The following NEURL1B variants were observed in gnomAD, a reference collection of about 807,000 sequenced individuals.
NEURL1B encodes the protein neuralized E3 ubiquitin protein ligase 1B.
NEURL1B carries 13 observed loss-of-function variants against 37.4 expected under a neutral mutation model. The ratio of observed to expected loss-of-function variants is 0.35; its 90% CI spans 0.23 to 0.55. NEURL1B has a LOEUF of 0.55. Ranked by LOEUF, NEURL1B falls within the 20% of genes least tolerant of loss-of-function variation. The pLI is 0.89. For synonymous variants in NEURL1B, 432 were observed against 426.6 expected, an observed-to-expected ratio of 1.01 and a Z score of -0.16; for missense variants, 790 against 879.2, an observed-to-expected ratio of 0.90 and a Z score of 1.28.
At chr5:172,666,279 T>C (rs919070213) in intron 1 of NEURL1B, among the ~76,000 whole-genome samples, 1 of 152,170 alleles carries the variant, frequency 6.6e-6, no homozygotes, top group African/African-American at 2.4e-5. Flanking sequence ...ACCAGCTGTG[T>C]GACTTTGGGC....
rs558472766 is a variant in NEURL1B, at chr5:172,657,657, C to T, written c.32-12128C>T. Among the ~76,000 whole-genome samples, 16 of 152,114 alleles carry T rather than the reference C, an allele frequency of 1.1e-4. 1 individual carries two copies. The highest frequency in any genetic ancestry group is 1.8e-4 in the Non-Finnish European group (12 of 68,012). On this transcript the variant is annotated intron_variant, in intron 1 of 4. Coordinates refer to ENST00000369800, the MANE Select transcript of NEURL1B (RefSeq NM_001142651.3). The surrounding 1 kb of genome is among the most constrained non-coding windows in gnomAD (Gnocchi z 4.0). ...GGGCTCCTTGGTCAAGTGGTAACGC[C>T]GGTGTCTGGGAAGGCACCTGTTACT... is the stretch of plus-strand genomic sequence containing the variant.
At chr5:172,669,732 G>T (rs1038057314) in intron 1 of NEURL1B, 53 bp from the exon 2 acceptor site, 12 of 1,177,580 alleles carry the variant, frequency 1.0e-5, no homozygotes, top group Non-Finnish European at 1.3e-5. Context: ...GACCAATCGG[G>T]GCCCGCAGGA....
chr5:172,674,019 A>T (rs1758181524), intron 2 of NEURL1B, among the ~76,000 whole-genome samples: 1 of 151,972 alleles, frequency 6.6e-6, no homozygotes, highest in African/African-American at 2.4e-5. Flanking sequence ...AGGCACCTGT[A>T]ATCCCAGCTA....
chr5:172,652,967 C>G (rs1348696027), intron 1 of NEURL1B, among the ~76,000 whole-genome samples: 1 of 152,062 alleles, frequency 6.6e-6, no homozygotes, highest in Non-Finnish European at 1.5e-5. Flanking sequence ...ATGAGTCCAT[C>G]CCTTTTTCAC....
intron 1 of NEURL1B, among the ~76,000 whole-genome samples, chr5:172,666,981 C>T (rs920958307): frequency 2.0e-5 from 3 of 152,104 alleles, no homozygotes; most frequent in African/African-American, 7.2e-5. Context: ...CAAGCTCTAA[C>T]TGTAACACAG....
intron 1 of NEURL1B, among the ~76,000 whole-genome samples, chr5:172,645,332 G>A (rs1757540979): frequency 6.6e-6 from 1 of 152,164 alleles, no homozygotes; most frequent in African/African-American, 2.4e-5. Context: ...GCTTACCCCA[G>A]ACAGTCTGAC....
chr5:172,669,934 C>A lies in NEURL1B; in HGVS notation c.181C>A (p.Arg61=). 2 of 1,454,866 alleles carry A rather than the reference C, an allele frequency of 1.4e-6. No individual in the cohort carries two copies. The highest frequency in any genetic ancestry group is 1.4e-5 in the South Asian group (1 of 72,456). The allele number at this position is 1,454,866 out of a possible 1,614,324, so 90.1% of individuals were successfully genotyped here. Reference sequence around the variant, plus strand: ...GGACGGCCACTCGCGCCGGGCCACACGGCGCAACAGCTTCTGCAATGGCGT... The same window carrying A: ...GGACGGCCACTCGCGCCGGGCCACAAGGCGCAACAGCTTCTGCAATGGCGT... ...RLDGHSRRAT[R]RNSFCNGVTF... The change falls in exon 2 of 5, where the codon CGG becomes AGG. Residue 61 remains arginine, a synonymous_variant. Transcript: ENST00000369800.
chr5:172,671,911 G>GA, intron 2 of NEURL1B, among the ~76,000 whole-genome samples: 1 of 152,266 alleles, frequency 6.6e-6, no homozygotes, highest in Non-Finnish European at 1.5e-5. Flanking sequence ...GGATCACATA[G>GA]ACCTCTGTTC....
At chr5:172,658,905 T>C (rs1178390433) in intron 1 of NEURL1B, among the ~76,000 whole-genome samples, 1 of 152,138 alleles carries the variant, frequency 6.6e-6, no homozygotes, top group Non-Finnish European at 1.5e-5. Flanking sequence ...TCCGTCCCCC[T>C]GCTGTAATCA....
Position 172,669,768 on chromosome 5 carries a change from C to G in NEURL1B, c.32-17C>G. The G allele has an allele frequency of 8.0e-7, 1 of 1,252,234 alleles. No individual in the cohort carries two copies. Among genetic ancestry groups the G allele is most frequent in the Non-Finnish European group, 1.0e-6 (1 of 989,268 alleles). 77.6% of individuals were successfully genotyped at this position (1,252,234 alleles called of 1,614,324 possible). On this transcript the variant is annotated splice_polypyrimidine_tract_variant and intron_variant, in intron 1 of 4. Transcript: ENST00000369800. ...GTTCGGAGGAGGCCTAACCGTGCTG[C>G]CTGTGTCTTTCCGCAGACCCGAGCC...
Position 172,661,996 on chromosome 5 carries a change from GC to G in NEURL1B, c.32-7786del, listed in dbSNP as rs1253806381. 6.6e-6 allele frequency among the ~76,000 whole-genome samples: 1 copy of G among 152,182 alleles called. No homozygotes were observed. The highest frequency in any genetic ancestry group is 1.5e-5 in the Non-Finnish European group (1 of 68,042). On this transcript the variant is annotated intron_variant, in intron 1 of 4. Transcript: ENST00000369800. The surrounding 1 kb of genome is among the most constrained non-coding windows in gnomAD (Gnocchi z 4.0). ...AGGCCTCTGCTGGCCAAGGTTATGA[GC>G]CCTACACGGGAGAAAAATGTTTCAG...
In NEURL1B at chr5:172,676,584, C is replaced by T. The variant is rs1758235835; in HGVS notation, c.577+6254C>T. Among the ~76,000 whole-genome samples, 1 of 152,176 alleles carries T rather than the reference C, an allele frequency of 6.6e-6. No homozygotes were observed. Among genetic ancestry groups the T allele is most frequent in the South Asian group, 2.1e-4 (1 of 4,830 alleles). On this transcript the variant is annotated intron_variant, in intron 2 of 4. Coordinates refer to ENST00000369800, the MANE Select transcript of NEURL1B (RefSeq NM_001142651.3). The surrounding 1 kb of genome is among the most constrained non-coding windows in gnomAD (Gnocchi z 4.5). Reference sequence around the variant, plus strand: ...GAGGTGGGGGTGGGGCAGTTCCCTCCAAAGAAAAGCTGGGTGCTGTTACCA... The same window carrying T: ...GAGGTGGGGGTGGGGCAGTTCCCTCTAAAGAAAAGCTGGGTGCTGTTACCA...
chr5:172,684,149 G>A lies in NEURL1B; in HGVS notation c.1297+11G>A, dbSNP rs1351456520. 4.9e-6 allele frequency: 6 copies of A among 1,218,422 alleles called. No individual in the cohort carries two copies. Among genetic ancestry groups the A allele is most frequent in the African/African-American group, 4.8e-5 (3 of 62,804 alleles). 75.5% of individuals were successfully genotyped at this position (1,218,422 alleles called of 1,614,324 possible). A position where few individuals can be genotyped will look rare whatever the true frequency, so the allele number is the denominator to read the frequency against. Reference sequence around the variant, plus strand: ...AGCTGCGTCTCCTCGGTGAGTCCCCGGCCCCGCGTGCGCGAGGCCCCGCCC... The same window carrying A: ...AGCTGCGTCTCCTCGGTGAGTCCCCAGCCCCGCGTGCGCGAGGCCCCGCCC... On this transcript the variant is annotated intron_variant, in intron 3 of 4. Coordinates refer to ENST00000369800, the MANE Select transcript of NEURL1B (RefSeq NM_001142651.3).
chr5:172,669,208 T>G (rs1203403676), intron 1 of NEURL1B, among the ~76,000 whole-genome samples: 1 of 152,194 alleles, frequency 6.6e-6, no homozygotes, highest in Non-Finnish European at 1.5e-5. Context: ...GTGACAAGTC[T>G]GCCCCATACC....
chr5:172,657,415 A>T lies in NEURL1B; in HGVS notation c.32-12370A>T, dbSNP rs1415408214. Among the ~76,000 whole-genome samples, 1 of 152,270 alleles carries T rather than the reference A, an allele frequency of 6.6e-6. No individual in the cohort carries two copies. Among genetic ancestry groups the T allele is most frequent in the Admixed American group, 6.5e-5 (1 of 15,294 alleles). ...GAAAATGGTTAGAATAAGAATAGTCATAATACAAATTAGATATAGAGATGA... is the reference window on the plus strand; with the variant it reads ...GAAAATGGTTAGAATAAGAATAGTCTTAATACAAATTAGATATAGAGATGA... On this transcript the variant is annotated intron_variant, in intron 1 of 4. Coordinates refer to ENST00000369800, the MANE Select transcript of NEURL1B (RefSeq NM_001142651.3). This position sits in a 1 kb window ranked among gnomAD's most constrained non-coding sequence, Gnocchi z 4.0.
chr5:172,660,966 C>G (rs1380799449), intron 1 of NEURL1B, among the ~76,000 whole-genome samples: 1 of 152,158 alleles, frequency 6.6e-6, no homozygotes, highest in African/African-American at 2.4e-5. Flanking sequence ...TTTAAACCCA[C>G]CAATGGAAAA....
At chr5:172,681,483 G>C (rs542352306) in intron 2 of NEURL1B, among the ~76,000 whole-genome samples, 5 of 152,320 alleles carry the variant, frequency 3.3e-5, no homozygotes, top group Admixed American at 1.3e-4. Context: ...CCCTCGCTAA[G>C]GCAAAGCATA....
At position 172,665,040 on chromosome 5, in the gene NEURL1B, A is replaced by T. The variant is rs1171847196; in HGVS notation, c.32-4745A>T. On this transcript the variant is annotated intron_variant, in intron 1 of 4. Transcript: ENST00000369800. The surrounding 1 kb of genome is among the most constrained non-coding windows in gnomAD (Gnocchi z 4.1). ...AAATTGCAGGCCGCTCTTAAAGAACATCTCTTGGGATTCCCAAGCCCTTCT... is the reference window on the plus strand; with the variant it reads ...AAATTGCAGGCCGCTCTTAAAGAACTTCTCTTGGGATTCCCAAGCCCTTCT... 3.3e-5 allele frequency among the ~76,000 whole-genome samples: 5 copies of T among 152,206 alleles called. No homozygotes were observed. Among genetic ancestry groups the T allele is most frequent in the African/African-American group, 4.8e-5 (2 of 41,438 alleles).
intron 3 of NEURL1B, 119 bp downstream of exon 3, chr5:172,684,257 A>C (rs1403579687): frequency 1.1e-6 from 1 of 906,240 alleles, no homozygotes; most frequent in Non-Finnish European, 1.4e-6. Flanking sequence ...GCCCGAGGCC[A>C]GCCCGCGGTT....
Sources: allele counts gnomAD v4.1 joint callset (sites outside exome capture counted in the v4.1 genomes callset), GRCh38; gene constraint gnomAD v4.1.1; non-coding constraint Gnocchi (gnomAD v3.1); transcripts MANE v1.5; gene names NCBI Gene and HGNC (gene_info 2026-07-23, HGNC 2026-07-21).